The following PCGF3 variants were observed in gnomAD, a reference collection of about 807,000 sequenced individuals.
PCGF3 encodes the protein polycomb group ring finger 3, also known as polycomb group RING finger protein 3.
Under a neutral mutation model 33.1 loss-of-function variants are expected in PCGF3, and 7 were observed. The observed-to-expected ratio is 0.21, with a 90% CI of 0.12 to 0.40. PCGF3 has a LOEUF of 0.40. PCGF3 is among the 10% of genes least tolerant of loss of function. PCGF3 has a pLI of 1.00. For synonymous variants in PCGF3, 153 were observed against 121.3 expected, an observed-to-expected ratio of 1.26 and a Z score of -1.72; for missense variants, 211 against 313.3, an observed-to-expected ratio of 0.67 and a Z score of 2.46.
At chr4:710,183 C>T (rs559525257) in intron 1 of PCGF3, among the ~76,000 whole-genome samples, 4 of 152,334 alleles carry the variant, frequency 2.6e-5, no homozygotes, top group South Asian at 2.1e-4. Flanking sequence ...ACCAGGTGGG[C>T]TCTGGCTCAG....
chr4:729,432 T>G (rs751970520), intron 1 of PCGF3, among the ~76,000 whole-genome samples: 1 of 148,518 alleles, frequency 6.7e-6, no homozygotes, highest in East Asian at 1.9e-4. Flanking sequence ...AAAAAAGAAA[T>G]AATAATAATT....
intron 6 of PCGF3, among the ~76,000 whole-genome samples, chr4:738,137 A>G (rs1743916338): frequency 6.6e-6 from 1 of 152,236 alleles, no homozygotes; most frequent in Admixed American, 6.5e-5. Flanking sequence ...CTGTCCTGGT[A>G]TTCTGCTCAT....
chr4:748,108 A>G (rs891628260), intron 8 of PCGF3, among the ~76,000 whole-genome samples: 1 of 152,154 alleles, frequency 6.6e-6, no homozygotes, highest in African/African-American at 2.4e-5. Context: ...TTCGTGTGTC[A>G]TTTACTGTAT....
At chr4:766,211 T>G in exon 11 of PCGF3, 1 of 683,148 alleles carries the variant, frequency 1.5e-6, no homozygotes, top group Non-Finnish European at 2.5e-6. Context: ...AACTTTTGTA[T>G]GAGAGAGAAT....
At chr4:747,957 C>G (rs1744337691) in intron 8 of PCGF3, among the ~76,000 whole-genome samples, 1 of 152,168 alleles carries the variant, frequency 6.6e-6, no homozygotes, top group Non-Finnish European at 1.5e-5. Flanking sequence ...AGGTCAGTGG[C>G]CGGCTCTGGC....
intron 1 of PCGF3, among the ~76,000 whole-genome samples, chr4:714,177 T>C (rs1166372881): frequency 3.3e-5 from 5 of 152,154 alleles, no homozygotes; most frequent in Admixed American, 3.3e-4. Context: ...CCCCCAAATC[T>C]GCGAGCGCCT....
exon 2 of PCGF3, chr4:730,634 C>T: frequency 5.7e-6 from 1 of 175,872 alleles, no homozygotes; most frequent in Non-Finnish European, 1.2e-5. Context: ...CCGCAGGCGT[C>T]ACAATGTAGC....
chr4:733,858 G>A (rs1743723159), intron 4 of PCGF3, 69 bp downstream of exon 4: 13 of 1,612,064 alleles, frequency 8.1e-6, no homozygotes, highest in Non-Finnish European at 1.1e-5. Context: ...CAGAACCTTG[G>A]CTTTTGTGTT....
At chr4:757,414 G>T (rs1196312177) in intron 8 of PCGF3, 2 of 152,246 alleles carry the variant, frequency 1.3e-5, no homozygotes, top group Admixed American at 1.3e-4. Context: ...TTCTGTTGGC[G>T]TGCGTTTGTC....
In PCGF3 at chr4:756,423, G is replaced by T. The variant is rs560814352; in HGVS notation, c.463-4856G>T. Reference sequence around the variant, plus strand: ...AGACGGGGTTTCACTATGTTGGCCCGTCTGGCCTCGAACTCCTGACCTCAA... The same window carrying T: ...AGACGGGGTTTCACTATGTTGGCCCTTCTGGCCTCGAACTCCTGACCTCAA... On this transcript the variant is annotated intron_variant, in intron 8 of 10. Transcript: ENST00000362003. Among the ~76,000 whole-genome samples, 18 of 151,514 alleles carry T rather than the reference G, an allele frequency of 1.2e-4. No homozygotes were observed. The South Asian group carries it at 2.5e-3, about 21-fold the overall frequency.
chr4:765,673 C>T (rs2152629410), intron 10 of PCGF3, among the ~76,000 whole-genome samples: 1 of 152,250 alleles, frequency 6.6e-6, no homozygotes, highest in East Asian at 1.9e-4. Flanking sequence ...GCTGGTGTTG[C>T]TGCCTGGGGA....
chr4:720,694 C>T lies in PCGF3; in HGVS notation c.-189-9936C>T, dbSNP rs112604385. 1.7e-3 allele frequency among the ~76,000 whole-genome samples: 245 copies of T among 148,164 alleles called. 2 individuals carry two copies. Among genetic ancestry groups the T allele is most frequent in the African/African-American group, 5.3e-3 (210 of 39,838 alleles). The stretch of plus-strand genomic sequence containing the variant: ...TGGACCCGGGGTGGACGGGCGGTGA[C>T]GTGCGTGTGGACCCGGCGTGGACGG... On this transcript the variant is annotated intron_variant, in intron 1 of 10. Coordinates refer to ENST00000362003, the Ensembl canonical transcript of PCGF3. The surrounding 1 kb of genome is among the most constrained non-coding windows in gnomAD (Gnocchi z 5.6).
At chr4:733,614 C>T (rs1223153637) in intron 3 of PCGF3, 58 bp from the exon 4 acceptor site, 28 of 1,534,844 alleles carry the variant, frequency 1.8e-5, no homozygotes, top group Non-Finnish European at 2.2e-5. Context: ...AGAGCTCAGC[C>T]AAGGATGAAA....
intron 8 of PCGF3, among the ~76,000 whole-genome samples, chr4:753,104 C>T (rs1744599254): frequency 6.6e-6 from 1 of 152,252 alleles, no homozygotes; most frequent in Non-Finnish European, 1.5e-5. Context: ...CCAGGTGGCC[C>T]AGGAGAGGGC....
intron 1 of PCGF3, among the ~76,000 whole-genome samples, chr4:730,419 C>G (rs1217681899): frequency 6.6e-6 from 1 of 152,202 alleles, no homozygotes; most frequent in Non-Finnish European, 1.5e-5. Context: ...TCTCCGATGC[C>G]TTGGGCCTGG....
rs538788158 is a variant in PCGF3 at position 754,303 on chromosome 4, C to T, written c.463-6976C>T. Among the ~76,000 whole-genome samples, 16 of 152,354 alleles carry T rather than the reference C, an allele frequency of 1.1e-4. No individual in the cohort carries two copies. In the South Asian group the frequency reaches 1.2e-3, roughly 12 times the overall value. ...ACTCCTCCGAGTTGTGCCTCCCTGG[C>T]CCACTGGCTCCTGTCCGCACCCTCG... On this transcript the variant is annotated intron_variant, in intron 8 of 10. Coordinates refer to ENST00000362003, the Ensembl canonical transcript of PCGF3.
intron 8 of PCGF3, among the ~76,000 whole-genome samples, chr4:754,714 G>A (rs982817938): frequency 6.6e-6 from 1 of 152,206 alleles, no homozygotes; most frequent in Non-Finnish European, 1.5e-5. Flanking sequence ...TGGGATGTGA[G>A]ATCGGGGTGT....
chr4:713,856 G>C (rs1329197055), intron 1 of PCGF3, among the ~76,000 whole-genome samples: 1 of 152,192 alleles, frequency 6.6e-6, no homozygotes, highest in Non-Finnish European at 1.5e-5. Flanking sequence ...GGCATCATTG[G>C]AATGTGGGGG....
At chr4:719,026 CTCA>C (rs1742970219) in intron 1 of PCGF3, among the ~76,000 whole-genome samples, 1 of 151,946 alleles carries the variant, frequency 6.6e-6, no homozygotes, top group Non-Finnish European at 1.5e-5. Flanking sequence ...ACTATCTTGG[CTCA>C]TTGCAACCTC....
Sources: gnomAD v4.1 joint callset for allele counts (sites outside exome capture counted in the v4.1 genomes callset) on GRCh38, gnomAD v4.1.1 for gene constraint, Gnocchi (gnomAD v3.1) non-coding constraint, MANE v1.5 for transcripts, NCBI Gene and HGNC (gene_info 2026-07-23, HGNC 2026-07-21) for gene names.